ZFAND3: variants seen among roughly 807,000 people sequenced by gnomAD.
ZFAND3 encodes AN1-type zinc finger protein 3.
Under a neutral mutation model 29.6 loss-of-function variants are expected in ZFAND3, and 10 were observed. The ratio of observed to expected loss-of-function variants is 0.34; its 90% CI spans 0.21 to 0.57. ZFAND3 has a LOEUF of 0.57. ZFAND3 is among the 20% of genes least tolerant of loss of function. ZFAND3 has a pLI of 0.86. For synonymous variants in ZFAND3, 128 were observed against 112.6 expected, an observed-to-expected ratio of 1.14 and a Z score of -0.87; for missense variants, 230 against 304.5, an observed-to-expected ratio of 0.76 and a Z score of 1.82.
intron 3 of ZFAND3, among the ~76,000 whole-genome samples, chr6:38,076,330 A>G (rs531401143): frequency 6.6e-6 from 1 of 152,150 alleles, no homozygotes; most frequent in Admixed American, 6.5e-5. Flanking sequence ...GAAGCCAAAA[A>G]ATTTGTGCAA....
chr6:38,012,478 A>G (rs747896337), intron 2 of ZFAND3, among the ~76,000 whole-genome samples: 2 of 150,108 alleles, frequency 1.3e-5, no homozygotes, highest in African/African-American at 2.5e-5. Flanking sequence ...TCCCGGGTTC[A>G]AGGGATTCTT....
intron 2 of ZFAND3, among the ~76,000 whole-genome samples, chr6:38,051,802 T>TTAGAC (rs1292621004): frequency 6.6e-6 from 1 of 152,252 alleles, no homozygotes; most frequent in African/African-American, 2.4e-5. Flanking sequence ...TATTTTGTGG[T>TTAGAC]TAGACTGAAA....
chr6:37,981,947 G>A (rs1243893985), intron 2 of ZFAND3, among the ~76,000 whole-genome samples: 1 of 152,144 alleles, frequency 6.6e-6, no homozygotes, highest in African/African-American at 2.4e-5. Context: ...AACTCAAAGT[G>A]GGGAGAGGGC....
intron 1 of ZFAND3, among the ~76,000 whole-genome samples, chr6:37,820,467 C>T (rs1466712134): frequency 1.3e-5 from 2 of 152,220 alleles, no homozygotes; most frequent in East Asian, 1.9e-4. Context: ...CCTCCCCGTC[C>T]TCCGGAGACT....
chr6:38,061,069 G>A (rs1561984606), intron 2 of ZFAND3, among the ~76,000 whole-genome samples: 1 of 152,100 alleles, frequency 6.6e-6, no homozygotes, highest in Admixed American at 6.5e-5. Context: ...TATGTTTTTA[G>A]TATGTCCCTT....
intron 1 of ZFAND3, among the ~76,000 whole-genome samples, chr6:37,913,704 T>C (rs1765563094): frequency 6.9e-6 from 1 of 144,032 alleles, no homozygotes; most frequent in Admixed American, 6.9e-5. Flanking sequence ...ATGGCAGCTA[T>C]ATTCTTTTTT....
intron 1 of ZFAND3, among the ~76,000 whole-genome samples, chr6:37,873,937 T>C (rs926498675): frequency 1.2e-4 from 19 of 152,138 alleles, no homozygotes; most frequent in African/African-American, 1.7e-4. Flanking sequence ...GAATAACATA[T>C]TTTTTTTAAC....
chr6:38,019,383 T>A (rs7752686), intron 2 of ZFAND3, among the ~76,000 whole-genome samples: 4,134 of 152,344 alleles, frequency 0.027, 181 homozygotes, highest in African/African-American at 0.093. Context: ...CTTTGTCCAT[T>A]TTTTCTATTA....
At chr6:37,820,675 A>G (rs544232017) in intron 1 of ZFAND3, among the ~76,000 whole-genome samples, 1 of 152,212 alleles carries the variant, frequency 6.6e-6, no homozygotes, top group African/African-American at 2.4e-5. Context: ...AAAAAACCAC[A>G]CAAAACCTGA....
intron 1 of ZFAND3, among the ~76,000 whole-genome samples, chr6:37,884,494 CAAAAA>C (rs58015486): frequency 0.11 from 5,803 of 53,920 alleles, 222 homozygotes; most frequent in African/African-American, 0.12. Flanking sequence ...AACTCTAGCT[CAAAAA>C]AAAAAAAAAA....
At chr6:37,897,808 T>C (rs1765246366) in intron 1 of ZFAND3, among the ~76,000 whole-genome samples, 1 of 152,228 alleles carries the variant, frequency 6.6e-6, no homozygotes, top group Non-Finnish European at 1.5e-5. Flanking sequence ...TCAAGTCTTT[T>C]GTCCAATTTA....
rs1369556610 is a variant in ZFAND3, at chr6:38,152,372, G to A, written c.667G>A (p.Gly223Arg). 2 of 1,593,816 alleles carry A rather than the reference G, an allele frequency of 1.3e-6. No individual in the cohort carries two copies. The highest frequency in any genetic ancestry group is 1.3e-5 in the African/African-American group (1 of 74,170). Residue 223 changes from glycine (G) to arginine (R), a missense_variant, in exon 6 of 6, where the codon GGG becomes AGG. Transcript: ENST00000287218. ...RKVGRSCQRI[G>R]EGCS ...AGTGGGGCGCTCCTGCCAGCGCATC[G>A]GGGAGGGGTGCTCCTGAAGGCCAGG...
rs897729940 is a variant in ZFAND3 at position 38,154,197 on chromosome 6, G to GC, written c.*1814dup. On this transcript the variant is annotated 3_prime_UTR_variant, in exon 6 of 6. Coordinates refer to ENST00000287218, the MANE Select transcript of ZFAND3 (RefSeq NM_021943.3). ...CATACGGGCCATCCTCAGTGAGGCA[G>GC]CCCCCCATAGGCTTCCGCCAAGCTC... The GC allele has an allele frequency of 4.1e-6, 4 of 985,596 alleles. No individual in the cohort carries two copies. Among genetic ancestry groups the GC allele is most frequent in the Non-Finnish European group, 4.8e-6 (4 of 830,046 alleles). 61.1% of individuals were successfully genotyped at this position (985,596 alleles called of 1,614,324 possible). A position where few individuals can be genotyped will look rare whatever the true frequency, so the allele number is the denominator to read the frequency against.
intron 1 of ZFAND3, among the ~76,000 whole-genome samples, chr6:37,914,662 C>CTT (rs1327923079): frequency 6.6e-4 from 41 of 62,506 alleles, no homozygotes; most frequent in South Asian, 2.7e-3. Context: ...TTCTTTCTTT[C>CTT]TTTTTTTTTC....
intron 1 of ZFAND3, among the ~76,000 whole-genome samples, chr6:37,825,982 T>G (rs259719): frequency 2.0e-5 from 3 of 152,202 alleles, no homozygotes; most frequent in Non-Finnish European, 4.4e-5. Context: ...AATCACAGAT[T>G]AAAATTGAGG....
intron 1 of ZFAND3, among the ~76,000 whole-genome samples, chr6:37,918,372 G>A (rs952075145): frequency 6.6e-6 from 1 of 152,168 alleles, no homozygotes. Context: ...ACTGCGCCTG[G>A]CCTGTGTAGA....
At chr6:37,844,132 C>T (rs1236442477) in intron 1 of ZFAND3, among the ~76,000 whole-genome samples, 1 of 151,988 alleles carries the variant, frequency 6.6e-6, no homozygotes, top group Non-Finnish European at 1.5e-5. Context: ...GCCAGTTGCC[C>T]AGGCTGGTCT....
chr6:37,913,418 T>G (rs190615809), intron 1 of ZFAND3, among the ~76,000 whole-genome samples: 116 of 152,336 alleles, frequency 7.6e-4, no homozygotes, highest in African/African-American at 2.6e-3. Context: ...CTCATTCATT[T>G]CAATTTTATT....
At chr6:38,076,016 C>G (rs575885355) in intron 3 of ZFAND3, among the ~76,000 whole-genome samples, 1 of 152,018 alleles carries the variant, frequency 6.6e-6, no homozygotes, top group Non-Finnish European at 1.5e-5. Flanking sequence ...CCTTGCAAAG[C>G]GCTGGGATTA....
Sources: gnomAD v4.1 joint callset for allele counts (sites outside exome capture counted in the v4.1 genomes callset) on GRCh38, gnomAD v4.1.1 for gene constraint, MANE v1.5 for transcripts, NCBI Gene and HGNC (gene_info 2026-07-23, HGNC 2026-07-21) for gene names.